Variants in NAALADL2 observed in about 807,000 individuals in gnomAD.
NAALADL2 encodes N-acetylated alpha-linked acidic dipeptidase like 2, also known as inactive N-acetylated-alpha-linked acidic dipeptidase-like protein 2.
A neutral mutation model predicts 87.2 loss-of-function variants in NAALADL2; 76 were observed. That is an observed-to-expected ratio of 0.87 (90% CI 0.72 to 1.05). The LOEUF is 1.05. Among genes scored for constraint, NAALADL2 ranks in the 50% least tolerant of loss-of-function variants. NAALADL2 has a pLI of 0.00. For missense variants in NAALADL2, 1,089 were observed against 945.8 expected, an observed-to-expected ratio of 1.15 and a Z score of -1.99; for synonymous variants, 354 against 331.0, an observed-to-expected ratio of 1.07 and a Z score of -0.75.
chr3:175,113,106 G>A (rs1002618348), intron 2 of NAALADL2, among the ~76,000 whole-genome samples: 2 of 151,626 alleles, frequency 1.3e-5, no homozygotes, highest in Non-Finnish European at 1.5e-5. Context: ...TGGAGAAAAG[G>A]TGATGGTTAG....
At chr3:174,938,107 G>C (rs1222669362) in intron 1 of NAALADL2, among the ~76,000 whole-genome samples, 1 of 151,846 alleles carries the variant, frequency 6.6e-6, no homozygotes, top group African/African-American at 2.4e-5. Context: ...TCGTTGTACT[G>C]ATTATTTCAT....
At position 174,875,619 on chromosome 3, in the gene NAALADL2, A is replaced by G. The variant is rs570027893; in HGVS notation, c.43+16169A>G. Reference sequence around the variant, plus strand: ...TCCTAATATATTCCTGTTGAAACATATTTGCTTTTCTCCAGAGAAACAGAA... The same window carrying G: ...TCCTAATATATTCCTGTTGAAACATGTTTGCTTTTCTCCAGAGAAACAGAA... On this transcript the variant is annotated intron_variant, in intron 1 of 13. Coordinates refer to ENST00000454872, the MANE Select transcript of NAALADL2 (RefSeq NM_207015.3). Among the ~76,000 whole-genome samples, 43 of 152,282 alleles carry G rather than the reference A, an allele frequency of 2.8e-4. No homozygotes were observed. In the South Asian group the frequency reaches 8.9e-3, roughly 32 times the overall value.
At chr3:174,761,123 C>G (rs1020251042) in intron 3 of NAALADL2, among the ~76,000 whole-genome samples, 2 of 152,118 alleles carry the variant, frequency 1.3e-5, no homozygotes, top group African/African-American at 4.8e-5. Flanking sequence ...TGACTTTAAA[C>G]CCTTCTACTT....
intron 6 of NAALADL2, among the ~76,000 whole-genome samples, chr3:175,459,555 A>G (rs1722802021): frequency 6.6e-6 from 1 of 152,158 alleles, no homozygotes. Context: ...TTTTCCAGAA[A>G]AAAAGGAAAA....
chr3:175,072,714 G>A (rs919066292), intron 1 of NAALADL2, among the ~76,000 whole-genome samples: 1 of 143,540 alleles, frequency 7.0e-6, no homozygotes, highest in African/African-American at 2.6e-5. Flanking sequence ...GGGAGGGATA[G>A]CATTAGGAGA....
intron 9 of NAALADL2, among the ~76,000 whole-genome samples, chr3:175,481,739 T>C (rs1318307303): frequency 6.6e-6 from 1 of 151,902 alleles, no homozygotes; most frequent in East Asian, 1.9e-4. Context: ...TTTACTCATA[T>C]AATGAAATAC....
At chr3:175,125,565 A>C (rs902951576) in intron 2 of NAALADL2, among the ~76,000 whole-genome samples, 1 of 152,018 alleles carries the variant, frequency 6.6e-6, no homozygotes, top group African/African-American at 2.4e-5. Flanking sequence ...TTACATATGG[A>C]ATGTGAGAGA....
At chr3:174,768,801 T>C (rs910792604) in intron 3 of NAALADL2, among the ~76,000 whole-genome samples, 1 of 152,100 alleles carries the variant, frequency 6.6e-6, no homozygotes, top group African/African-American at 2.4e-5. Context: ...TGAAGTTTTG[T>C]ACTTTATTGT....
At chr3:174,904,812 A>G (rs1276137747) in intron 1 of NAALADL2, among the ~76,000 whole-genome samples, 2 of 151,822 alleles carry the variant, frequency 1.3e-5, no homozygotes, top group Non-Finnish European at 2.9e-5. Context: ...TACATCACCA[A>G]TTTTGATGCT....
At chr3:175,697,818 TATAC>T (rs1738091187) in intron 11 of NAALADL2, among the ~76,000 whole-genome samples, 1 of 106,316 alleles carries the variant, frequency 9.4e-6, no homozygotes, top group Non-Finnish European at 2.1e-5. Context: ...TTTATGTATG[TATAC>T]ATATATATGT....
chr3:174,887,634 A>T (rs1730333458), intron 1 of NAALADL2, among the ~76,000 whole-genome samples: 1 of 152,096 alleles, frequency 6.6e-6, no homozygotes, highest in Non-Finnish European at 1.5e-5. Flanking sequence ...ATCTCTACAA[A>T]AAACTTAAAA....
At chr3:175,336,711 T>G (rs985918818) in intron 5 of NAALADL2, among the ~76,000 whole-genome samples, 2 of 152,156 alleles carry the variant, frequency 1.3e-5, no homozygotes, top group Non-Finnish European at 2.9e-5. Context: ...TTTGGTATAG[T>G]CTAGAGTCTG....
At chr3:174,873,094 C>T (rs1296762326) in intron 1 of NAALADL2, among the ~76,000 whole-genome samples, 2 of 151,970 alleles carry the variant, frequency 1.3e-5, no homozygotes, top group Admixed American at 6.6e-5. Context: ...TTGAGCATTT[C>T]GTGTATGTAA....
chr3:174,459,769 A>G (rs1336488285), intron 1 of NAALADL2: 3 of 152,274 alleles, frequency 2.0e-5, no homozygotes, highest in Admixed American at 6.5e-5. Flanking sequence ...CCAATGACAG[A>G]CACCAGTCTT....
chr3:175,319,434 C>T (rs1053975563), intron 4 of NAALADL2, among the ~76,000 whole-genome samples: 6 of 152,158 alleles, frequency 3.9e-5, no homozygotes, highest in Non-Finnish European at 8.8e-5. Context: ...ATTTTTGGCA[C>T]ATTGTTTTAA....
rs1240034471 is a variant in NAALADL2, at chr3:175,097,061, C to T, written c.315C>T (p.Asp105=). 6.2e-7 allele frequency: 1 copy of T among 1,613,730 alleles called. No individual in the cohort carries two copies. Among genetic ancestry groups the T allele is most frequent in the East Asian group, 2.2e-5 (1 of 44,864 alleles). Residue 105 remains aspartate (D), a synonymous_variant, in exon 2 of 14, where the codon GAC becomes GAT. Transcript: ENST00000454872. ...TCCAGAGACTTCAAGAAGAATCTGA[C>T]TACATTACCCATTATACACGATCTG... ...GRFQRLQEES[D]YITHYTRSAP...
chr3:175,442,862 A>G (rs1720048387), intron 5 of NAALADL2, among the ~76,000 whole-genome samples: 1 of 152,206 alleles, frequency 6.6e-6, no homozygotes, highest in African/African-American at 2.4e-5. Flanking sequence ...AAGTGCTAAA[A>G]TGTAGTGTCG....
At chr3:175,498,466 T>G (rs1729116259) in intron 9 of NAALADL2, among the ~76,000 whole-genome samples, 1 of 152,054 alleles carries the variant, frequency 6.6e-6, no homozygotes, top group African/African-American at 2.4e-5. Context: ...TTTTACAACC[T>G]TGCCTATGAC....
At chr3:175,148,085 GATAATGATA>G (rs756111099) in intron 2 of NAALADL2, among the ~76,000 whole-genome samples, 3,910 of 110,272 alleles carry the variant, frequency 0.035, 78 homozygotes, top group African/African-American at 0.06. Flanking sequence ...TAATAATAAT[GATAATGATA>G]ATAATAATAA....
Sources: gnomAD v4.1 joint callset for allele counts (sites outside exome capture counted in the v4.1 genomes callset) on GRCh38, gnomAD v4.1.1 for gene constraint, MANE v1.5 for transcripts, NCBI Gene and HGNC (gene_info 2026-07-23, HGNC 2026-07-21) for gene names.